JMJD6: variants seen among roughly 807,000 people sequenced by gnomAD.
JMJD6 encodes jumonji domain containing 6, arginine demethylase and lysine hydroxylase, also known as bifunctional arginine demethylase and lysyl-hydroxylase JMJD6.
JMJD6 carries 17 observed loss-of-function variants against 45.8 expected under a neutral mutation model. That is an observed-to-expected ratio of 0.37 (90% CI 0.25 to 0.56). The LOEUF is 0.56. Among genes scored for constraint, JMJD6 ranks in the 20% least tolerant of loss-of-function variants. The probability of loss-of-function intolerance (pLI) is 0.79; values close to 1 mark genes in which losing one functional copy is unlikely to be tolerated. For synonymous variants in JMJD6, 221 were observed against 196.3 expected (o/e 1.13, Z -1.05); for missense variants, 470 against 517.5 (o/e 0.91, Z 0.89).
downstream of JMJD6, among the ~76,000 whole-genome samples, chr17:76,717,095 C>T (rs917311681): frequency 2.0e-5 from 3 of 152,162 alleles, no homozygotes; most frequent in Admixed American, 2.0e-4. Flanking sequence ...GGGTCCTGCA[C>T]TTCCCCCATG....
At chr17:76,723,463 T>G (rs1226270057) in intron 3 of JMJD6, among the ~76,000 whole-genome samples, 3 of 148,892 alleles carry the variant, frequency 2.0e-5, no homozygotes, top group African/African-American at 7.5e-5. Context: ...TTTTTTGAGA[T>G]GGAGTCTTAC....
At chr17:76,725,406 CAAAAAAAAAAA>C (rs36106744) in intron 2 of JMJD6, 50 bp downstream of exon 2, 4 of 959,126 alleles carry the variant, frequency 4.2e-6, no homozygotes, top group Non-Finnish European at 5.5e-6. Context: ...CGCTCTGTCT[CAAAAAAAAAAA>C]AAAAAAAAAA....
intron 3 of JMJD6, among the ~76,000 whole-genome samples, chr17:76,722,381 G>A (rs2076836494): frequency 6.6e-6 from 1 of 152,184 alleles, no homozygotes; most frequent in South Asian, 2.1e-4. Context: ...TGTCTGGTGT[G>A]GGATTTCCTG....
chr17:76,718,666 C>A lies in JMJD6; in HGVS notation c.*63G>T. 6.3e-7 allele frequency: 1 copy of A among 1,578,470 alleles called. No homozygotes were observed. ...CTTGTCTGCAGGACTGGACAGGCCACCCTCCCCAGGCCCTGCCCTTGCCGC... is the reference window on the plus strand; with the variant it reads ...CTTGTCTGCAGGACTGGACAGGCCAACCTCCCCAGGCCCTGCCCTTGCCGC... On this transcript the variant is annotated 3_prime_UTR_variant, in exon 6 of 6. Transcript: ENST00000397625.
rs1386520996 is a variant in JMJD6 at position 76,722,058 on chromosome 17, TA to T, written c.806-126del. 6.0e-6 allele frequency: 6 copies of T among 1,006,542 alleles called. No homozygotes were observed. In the African/African-American group the frequency reaches 8.2e-5, roughly 14 times the overall value. The allele number at this position is 1,006,542 out of a possible 1,614,324, so 62.4% of individuals were successfully genotyped here. A position where few individuals can be genotyped will look rare whatever the true frequency, so the allele number is the denominator to read the frequency against. Reference sequence around the variant, plus strand: ...GAGCCTACAGAGACATGATACAGGGTAGTTCCTTCTGATCCAGGGATTGCAA... The same window carrying T: ...GAGCCTACAGAGACATGATACAGGGTGTTCCTTCTGATCCAGGGATTGCAA... On this transcript the variant is annotated intron_variant, in intron 3 of 5. Coordinates refer to ENST00000397625, the MANE Select transcript of JMJD6 (RefSeq NM_015167.3).
Position 76,718,984 on chromosome 17 carries a change from C to T in JMJD6, c.1081-124G>A, listed in dbSNP as rs973413182. The T allele has an allele frequency of 1.6e-5, 14 of 899,910 alleles. No individual in the cohort carries two copies. The African/African-American group carries it at 2.2e-4, about 14-fold the overall frequency. The allele number at this position is 899,910 out of a possible 1,614,324, so 55.7% of individuals were successfully genotyped here. ...CACTTTCTCCCAAATGCAAAGCAGT[C>T]ATTATGACAGCTCCACAATGTAGCC... is the stretch of plus-strand genomic sequence containing the variant. On this transcript the variant is annotated intron_variant, in intron 5 of 5. Transcript: ENST00000397625.
intron 3 of JMJD6, among the ~76,000 whole-genome samples, chr17:76,723,503 C>T (rs566123777): frequency 1.5e-4 from 23 of 150,650 alleles, no homozygotes; most frequent in African/African-American, 3.2e-4. Context: ...TGCAGTGGCA[C>T]GATCTAGACT....
At chr17:76,724,592 G>C (rs932180184) in intron 2 of JMJD6, among the ~76,000 whole-genome samples, 2 of 151,876 alleles carry the variant, frequency 1.3e-5, no homozygotes, top group Non-Finnish European at 2.9e-5. Flanking sequence ...AGAGGTGGGT[G>C]CATCACCTGA....
chr17:76,723,457 TTG>T (rs2076854678), intron 3 of JMJD6, among the ~76,000 whole-genome samples: 1 of 151,584 alleles, frequency 6.6e-6, no homozygotes, highest in Non-Finnish European at 1.5e-5. Flanking sequence ...TTTTTTTTTT[TTG>T]AGATGGAGTC....
Position 76,718,791 on chromosome 17 carries a change from C to T in JMJD6, c.1150G>A (p.Gly384Arg). 2 of 1,614,214 alleles carry T rather than the reference C, an allele frequency of 1.2e-6. No individual in the cohort carries two copies. Among genetic ancestry groups the T allele is most frequent in the Non-Finnish European group, 1.7e-6 (2 of 1,180,028 alleles). ...RKKRRTCSMVGNGDTTSQDDC... is the reference protein window; with the variant it reads ...RKKRRTCSMVRNGDTTSQDDC... The stretch of plus-strand genomic sequence containing the variant: ...TCCTGGGAGGTGGTGTCCCCGTTTC[C>T]CACCATGCTGCACGTCCTCCTCTTC... The change falls in exon 6 of 6, where the codon GGA becomes AGA. Residue 384 changes from glycine (G) to arginine (R), a missense_variant. Physicochemically the swap from Gly to Arg is moderately radical, Grantham distance 125. Coordinates refer to ENST00000397625, the MANE Select transcript of JMJD6 (RefSeq NM_015167.3).
At chr17:76,726,252 C>G (rs2076929462) in intron 1 of JMJD6, 95 bp downstream of exon 1, 1 of 1,425,454 alleles carries the variant, frequency 7.0e-7, no homozygotes, top group Non-Finnish European at 9.2e-7. Flanking sequence ...AGGTCCCGGG[C>G]GCTCGGGGCG....
chr17:76,723,576 G>A (rs2076856302), intron 3 of JMJD6, among the ~76,000 whole-genome samples, 196 bp downstream of exon 3: 2 of 151,906 alleles, frequency 1.3e-5, no homozygotes, highest in African/African-American at 2.4e-5. Context: ...GAGTGGCTGG[G>A]ACTATAGGCG....
chr17:76,725,976 C>T (rs935830654), intron 1 of JMJD6, 121 bp from the exon 2 acceptor site: 2 of 1,275,518 alleles, frequency 1.6e-6, no homozygotes, highest in Non-Finnish European at 2.1e-6. Context: ...TCGTCTGGCT[C>T]CTCCGGGGTG....
chr17:76,723,880 T>C lies in JMJD6; in HGVS notation c.697A>G (p.Ile233Val), dbSNP rs2076860901. The C allele has an allele frequency of 6.2e-7, 1 of 1,614,172 alleles. No homozygotes were observed. Among genetic ancestry groups the C allele is most frequent in the Non-Finnish European group, 8.5e-7 (1 of 1,180,026 alleles). ...DEGGNQQDEA[I>V]TWFNVIYPRT... Reference sequence around the variant, plus strand: ...GGATAAATAACATTAAACCAGGTAATAGCTTCGTCTTGCTGGTTCCCTCCT... The same window carrying C: ...GGATAAATAACATTAAACCAGGTAACAGCTTCGTCTTGCTGGTTCCCTCCT... The change falls in exon 3 of 6, where the codon ATT becomes GTT. Residue 233 changes from isoleucine to valine, a missense_variant. Physicochemically the swap from Ile to Val is conservative, Grantham distance 29. Coordinates refer to ENST00000397625, the MANE Select transcript of JMJD6 (RefSeq NM_015167.3).
chr17:76,715,833 CAA>C (rs1181968739), downstream of JMJD6: 1 of 152,222 alleles, frequency 6.6e-6, no homozygotes, highest in East Asian at 1.9e-4. Context: ...CAACAGACTG[CAA>C]AGACTACAGG....
At chr17:76,726,030 C>G (rs1335065636) in intron 1 of JMJD6, among the ~76,000 whole-genome samples, 175 bp from the exon 2 acceptor site, 1 of 152,194 alleles carries the variant, frequency 6.6e-6, no homozygotes, top group Non-Finnish European at 1.5e-5. Context: ...CTAGAGCCAC[C>G]CCCCATGAGC....
chr17:76,725,173 C>T (rs886069571), intron 2 of JMJD6, among the ~76,000 whole-genome samples: 1 of 152,156 alleles, frequency 6.6e-6, no homozygotes, highest in Non-Finnish European at 1.5e-5. Flanking sequence ...CTTTGGGAGG[C>T]CGAGGCGGGC....
In JMJD6 at chr17:76,718,734, T is replaced by C. The variant is rs2076788108; in HGVS notation, c.1207A>G (p.Arg403Gly). ...DCVSKERSSS[R>G] is the part of the protein sequence containing the mutation. ...CAGACAACAGCCTTGCTGGGTCACCTGGAGGAGCTGCGCTCTTTGCTGACA... is the reference window on the plus strand; with the variant it reads ...CAGACAACAGCCTTGCTGGGTCACCCGGAGGAGCTGCGCTCTTTGCTGACA... Residue 403 changes from arginine (R) to glycine (G), a missense_variant, in exon 6 of 6, where the codon AGG becomes GGG. By Grantham distance (125) the Arg-to-Gly change is moderately radical. Coordinates refer to ENST00000397625, the MANE Select transcript of JMJD6 (RefSeq NM_015167.3). 6.2e-7 allele frequency: 1 copy of C among 1,613,914 alleles called. No individual in the cohort carries two copies. Among genetic ancestry groups the C allele is most frequent in the Admixed American group, 1.7e-5 (1 of 59,990 alleles).
intron 2 of JMJD6, 44 bp from the exon 3 acceptor site, chr17:76,724,102 C>T (rs375638941): frequency 5.7e-6 from 9 of 1,580,182 alleles, no homozygotes; most frequent in Non-Finnish European, 6.9e-6. Flanking sequence ...AATTTACTTA[C>T]ACACATACCA....
Sources: allele counts gnomAD v4.1 joint callset (sites outside exome capture counted in the v4.1 genomes callset), GRCh38; gene constraint gnomAD v4.1.1; transcripts MANE v1.5; gene names NCBI Gene and HGNC (gene_info 2026-07-23, HGNC 2026-07-21).